Variants in VPS53 observed in about 807,000 individuals in gnomAD.
The protein encoded by VPS53 is vacuolar protein sorting-associated protein 53 homolog.
A neutral mutation model predicts 107.0 loss-of-function variants in VPS53; 70 were observed. The ratio of observed to expected loss-of-function variants is 0.65; its 90% confidence interval spans 0.54 to 0.80. The LOEUF (loss-of-function observed/expected upper bound fraction) is 0.80. VPS53 is among the 30% of genes least tolerant of loss of function. The pLI is 0.00. For missense variants in VPS53, 917 were observed against 1,049.4 expected, an observed-to-expected ratio of 0.87 and a Z score of 1.74; for synonymous variants, 409 against 393.3, an observed-to-expected ratio of 1.04 and a Z score of -0.47.
chr17:528,544 C>G (rs1055723020), intron 19 of VPS53, among the ~76,000 whole-genome samples: 1 of 150,170 alleles, frequency 6.7e-6, no homozygotes, highest in Non-Finnish European at 1.5e-5. Context: ...AATGGTGCTG[C>G]TATGAATATT....
intron 18 of VPS53, among the ~76,000 whole-genome samples, chr17:535,723 A>G (rs1012993441): frequency 3.9e-5 from 6 of 152,208 alleles, no homozygotes; most frequent in African/African-American, 1.2e-4. Context: ...ATGAGCACCC[A>G]GAGAGTGAGG....
At chr17:710,081 G>A (rs965037907) in intron 2 of VPS53, among the ~76,000 whole-genome samples, 9 of 152,106 alleles carry the variant, frequency 5.9e-5, no homozygotes, top group Non-Finnish European at 1.0e-4. Context: ...GGAGGCAGAC[G>A]TTGCAGTGAG....
At chr17:596,683 C>T (rs1260832118) in intron 12 of VPS53, among the ~76,000 whole-genome samples, 1 of 152,164 alleles carries the variant, frequency 6.6e-6, no homozygotes, top group Non-Finnish European at 1.5e-5. Flanking sequence ...CCTATGGCTA[C>T]GTTATGAACG....
In VPS53 at chr17:521,840, A is replaced by G. The variant is rs878870300; in HGVS notation, c.2086-102T>C. On this transcript the variant is annotated intron_variant, in intron 19 of 21. Transcript: ENST00000437048. ...GTTTTTCTCGTTATACACGTAACAC[A>G]TTCTTGTTGCAAAAAATTGGGGAAA... 3.6e-5 allele frequency: 46 copies of G among 1,266,498 alleles called. No individual in the cohort carries two copies. In the South Asian group the frequency reaches 1.1e-3, roughly 31 times the overall value. 78.5% of individuals were successfully genotyped at this position (1,266,498 alleles called of 1,614,324 possible). A position where few individuals can be genotyped will look rare whatever the true frequency, so the allele number is the denominator to read the frequency against.
At chr17:701,320 CA>C (rs151166510) in intron 2 of VPS53, among the ~76,000 whole-genome samples, 1 of 148,628 alleles carries the variant, frequency 6.7e-6, no homozygotes, top group African/African-American at 2.5e-5. Context: ...AGCCCTGTCT[CA>C]AAAAAAAAGA....
At chr17:535,671 A>G (rs546178782) in intron 18 of VPS53, among the ~76,000 whole-genome samples, 1 of 152,258 alleles carries the variant, frequency 6.6e-6, no homozygotes, top group African/African-American at 2.4e-5. Context: ...AGTTATGGGG[A>G]GCGTCACGAT....
chr17:648,633 C>G (rs1166658066), intron 7 of VPS53, among the ~76,000 whole-genome samples: 1 of 151,742 alleles, frequency 6.6e-6, no homozygotes, highest in East Asian at 1.9e-4. Context: ...AAAGAATTGC[C>G]ATGCTGAACA....
chr17:672,136 A>T (rs1432551117), intron 4 of VPS53, among the ~76,000 whole-genome samples: 7 of 148,520 alleles, frequency 4.7e-5, no homozygotes, highest in Non-Finnish European at 7.5e-5. Context: ...ACACACACAC[A>T]CACACACACA....
At chr17:622,535 C>G (rs748942800) in intron 11 of VPS53, among the ~76,000 whole-genome samples, 1 of 152,134 alleles carries the variant, frequency 6.6e-6, no homozygotes, top group Non-Finnish European at 1.5e-5. Context: ...CTCGAGGAGA[C>G]GGATGAGTCA....
At position 510,422 on chromosome 17, in the gene VPS53, C is replaced by G. The variant is rs1907867947; in HGVS notation, c.*8706G>C. On this transcript the variant is annotated 3_prime_UTR_variant, in exon 22 of 22. Transcript: ENST00000437048. Reference sequence around the variant, plus strand: ...GCTTGTCCCCTTGCTAGTCACGTATCAAATCCTGGCCGACCCCTTACTAGT... The same window carrying G: ...GCTTGTCCCCTTGCTAGTCACGTATGAAATCCTGGCCGACCCCTTACTAGT... The G allele has an allele frequency of 4.3e-6, 1 of 233,184 alleles. No individual in the cohort carries two copies. The highest frequency in any genetic ancestry group is 1.7e-4 in the East Asian group (1 of 5,826). 14.4% of individuals were successfully genotyped at this position (233,184 alleles called of 1,614,324 possible).
rs563731070 is a variant in VPS53 at position 536,159 on chromosome 17, G to C, written c.2015+869C>G. ...CGCTTCAAAACTCAGGGCAGAAATG[G>C]CCACACACAAGACACAGCAGGAAGA... On this transcript the variant is annotated intron_variant, in intron 18 of 21. Transcript: ENST00000437048. Among the ~76,000 whole-genome samples the C allele has an allele frequency of 1.8e-4, 27 of 152,254 alleles. No individual in the cohort carries two copies. In the South Asian group the frequency reaches 5.6e-3, roughly 32 times the overall value.
intron 11 of VPS53, among the ~76,000 whole-genome samples, chr17:618,396 G>A (rs1353256839): frequency 4.3e-4 from 43 of 100,844 alleles, no homozygotes; most frequent in South Asian, 1.1e-3. Context: ...GACTACAGGC[G>A]TGCACCACCA....
At chr17:633,460 C>T (rs1050213507) in intron 7 of VPS53, among the ~76,000 whole-genome samples, 4 of 152,224 alleles carry the variant, frequency 2.6e-5, no homozygotes, top group African/African-American at 7.2e-5. Flanking sequence ...GAAATAGCAA[C>T]AGCTCAAAAC....
In VPS53 at chr17:521,689, G is replaced by A; in HGVS notation, c.2135C>T (p.Ser712Phe). The change falls in exon 20 of 22, where the codon TCC (serine) becomes TTC (phenylalanine). Residue 712 changes from serine (S) to phenylalanine (F), a missense_variant. Physicochemically the swap from Ser to Phe is radical, Grantham distance 155. Coordinates refer to ENST00000437048, the MANE Select transcript of VPS53 (RefSeq NM_001128159.3). Reference sequence around the variant, plus strand: ...CTTCCTCACCACCTGCGAGCTGATGGAGGGGAGATCGAGCAGGACCATCTT... The same window carrying A: ...CTTCCTCACCACCTGCGAGCTGATGAAGGGGAGATCGAGCAGGACCATCTT... ...SLKMVLLDLP[S>F]ISSQVVRKAP... 1.3e-6 allele frequency: 2 copies of A among 1,551,052 alleles called. No individual in the cohort carries two copies.
chr17:528,891 C>CCCTG (rs1194356031), intron 19 of VPS53, among the ~76,000 whole-genome samples: 2 of 151,996 alleles, frequency 1.3e-5, no homozygotes, highest in Admixed American at 1.3e-4. Context: ...GAACCATGCA[C>CCCTG]CCTGCCTTTT....
At chr17:526,402 A>G (rs1909133176) in intron 19 of VPS53, among the ~76,000 whole-genome samples, 1 of 152,198 alleles carries the variant, frequency 6.6e-6, no homozygotes, top group Middle Eastern at 3.2e-3. Context: ...TGACACTTTC[A>G]TTCCCTGGCC....
At position 515,235 on chromosome 17, in the gene VPS53, T is replaced by C. The variant is rs539571703; in HGVS notation, c.*3893A>G. Reference sequence around the variant, plus strand: ...GCTGCTTTCATCCACAGGTACTCCTTTTACCTTATTATTTTTTAGAGAGTC... The same window carrying C: ...GCTGCTTTCATCCACAGGTACTCCTCTTACCTTATTATTTTTTAGAGAGTC... On this transcript the variant is annotated 3_prime_UTR_variant, in exon 22 of 22. Transcript: ENST00000437048. 1.3e-5 allele frequency: 2 copies of C among 152,140 alleles called. No homozygotes were observed. Among genetic ancestry groups the C allele is most frequent in the East Asian group, 3.9e-4 (2 of 5,174 alleles). The allele number at this position is 152,140 out of a possible 1,614,324, so 9.4% of individuals were successfully genotyped here.
At chr17:659,859 T>C (rs145547025) in intron 5 of VPS53, among the ~76,000 whole-genome samples, 3 of 152,186 alleles carry the variant, frequency 2.0e-5, no homozygotes, top group Admixed American at 6.5e-5. Context: ...GGTCTCTTTA[T>C]TCCCAGGATC....
chr17:679,618 G>A (rs1201397382), intron 4 of VPS53, among the ~76,000 whole-genome samples: 5 of 152,136 alleles, frequency 3.3e-5, no homozygotes, highest in Non-Finnish European at 7.4e-5. Context: ...CAAGAACAAG[G>A]ACTTACTAAA....
Sources: gnomAD v4.1 joint callset for allele counts (sites outside exome capture counted in the v4.1 genomes callset) on GRCh38, gnomAD v4.1.1 for gene constraint, MANE v1.5 for transcripts, NCBI Gene and HGNC (gene_info 2026-07-23, HGNC 2026-07-21) for gene names.